Variants in ZNF608 observed in about 807,000 individuals in gnomAD.
ZNF608 encodes zinc finger protein 608.
Under a neutral mutation model 109.0 loss-of-function variants are expected in ZNF608, and 12 were observed. The ratio of observed to expected loss-of-function variants is 0.11; its 90% CI spans 0.07 to 0.18. The LOEUF is 0.18. Among genes scored for constraint, ZNF608 ranks in the 10% least tolerant of loss-of-function variants. The probability of loss-of-function intolerance (pLI) is 1.00; values close to 1 mark genes in which losing one functional copy is unlikely to be tolerated. For missense variants in ZNF608, 1,707 were observed against 1,879.3 expected (o/e 0.91, Z 1.70); for synonymous variants, 732 against 717.4 (o/e 1.02, Z -0.33).
At chr5:124,688,847 T>G (rs1312497771) in intron 3 of ZNF608, among the ~76,000 whole-genome samples, 1 of 152,222 alleles carries the variant, frequency 6.6e-6, no homozygotes, top group Non-Finnish European at 1.5e-5. Context: ...AGTGTTTTCA[T>G]AACATCAGAA....
chr5:124,679,583 T>C (rs1434468824), intron 3 of ZNF608, among the ~76,000 whole-genome samples: 1 of 152,184 alleles, frequency 6.6e-6, no homozygotes. Flanking sequence ...CAATGTGATA[T>C]TTAAAATCAC....
chr5:124,746,885 G>A, upstream of ZNF608: 17 of 564,026 alleles, frequency 3.0e-5, no homozygotes, highest in Non-Finnish European at 3.8e-5. Flanking sequence ...TGTGGAGGAG[G>A]AGACAGCAGA....
chr5:124,741,762 G>T (rs1051791679), intron 2 of ZNF608, among the ~76,000 whole-genome samples: 16 of 152,210 alleles, frequency 1.1e-4, no homozygotes, highest in South Asian at 4.1e-4. Context: ...ATGCAAGGGA[G>T]TGCCATTTCT....
At chr5:124,737,842 C>T (rs1201663175) in intron 2 of ZNF608, among the ~76,000 whole-genome samples, 1 of 152,190 alleles carries the variant, frequency 6.6e-6, no homozygotes, top group East Asian at 1.9e-4. Context: ...AGTTTAACAA[C>T]CTTTCATTCA....
intron 3 of ZNF608, among the ~76,000 whole-genome samples, chr5:124,697,327 A>T (rs960807577): frequency 1.3e-5 from 2 of 151,616 alleles, no homozygotes; most frequent in Admixed American, 1.3e-4. Context: ...ATGTATTTAC[A>T]CATATTGCTA....
intron 3 of ZNF608, among the ~76,000 whole-genome samples, chr5:124,653,005 A>G (rs927233575): frequency 2.6e-5 from 4 of 152,152 alleles, no homozygotes; most frequent in African/African-American, 9.7e-5. Context: ...GGTACTTTTC[A>G]TCTTTATATT....
intron 2 of ZNF608, among the ~76,000 whole-genome samples, chr5:124,722,277 T>A (rs1035837660): frequency 6.6e-6 from 1 of 152,164 alleles, no homozygotes; most frequent in Non-Finnish European, 1.5e-5. Context: ...CGTTTCCCCC[T>A]GCCTCCATGG....
At chr5:124,668,195 AATATATAT>A (rs34612595) in intron 3 of ZNF608, among the ~76,000 whole-genome samples, 8 of 135,680 alleles carry the variant, frequency 5.9e-5, no homozygotes, top group Non-Finnish European at 1.1e-4. Context: ...TATGCTTAAA[AATATATAT>A]ATATATATAT....
At chr5:124,723,618 G>T (rs891581353) in intron 2 of ZNF608, among the ~76,000 whole-genome samples, 2 of 152,126 alleles carry the variant, frequency 1.3e-5, no homozygotes, top group Non-Finnish European at 2.9e-5. Flanking sequence ...AACCCAGGAG[G>T]CAGAGGTTGC....
chr5:124,720,807 T>C (rs1753872043), intron 2 of ZNF608, among the ~76,000 whole-genome samples: 1 of 151,790 alleles, frequency 6.6e-6, no homozygotes, highest in Non-Finnish European at 1.5e-5. Flanking sequence ...CTGGGCTGGC[T>C]TTTTTTTCCT....
At chr5:124,673,436 C>T (rs73296658) in intron 3 of ZNF608, among the ~76,000 whole-genome samples, 42,607 of 152,008 alleles carry the variant, frequency 0.28, 7,258 homozygotes, top group African/African-American at 0.47. Flanking sequence ...TATATTTATC[C>T]TCCAACCACA....
At position 124,744,042 on chromosome 5, in the gene ZNF608, A is replaced by C. The variant is rs1447739818; in HGVS notation, c.906+42T>G. On this transcript the variant is annotated intron_variant, in intron 2 of 9. Transcript: ENST00000513986. The surrounding 1 kb of genome is among the most constrained non-coding windows in gnomAD (Gnocchi z 4.5). ...CCCCCACACACCCACACAAATGCAC[A>C]CAGAGGAGAGTAGGACATCTAGGAA... 1 of 1,542,298 alleles carries C rather than the reference A, an allele frequency of 6.5e-7. No homozygotes were observed. The highest frequency in any genetic ancestry group is 2.0e-5 in the Admixed American group (1 of 50,958).
intron 3 of ZNF608, among the ~76,000 whole-genome samples, chr5:124,669,431 G>A (rs186445185): frequency 6.6e-6 from 1 of 152,272 alleles, no homozygotes; most frequent in African/African-American, 2.4e-5. Flanking sequence ...TGCTCTCATG[G>A]AGATGGTTCA....
At chr5:124,676,009 C>A (rs1274472108) in intron 3 of ZNF608, among the ~76,000 whole-genome samples, 3 of 152,132 alleles carry the variant, frequency 2.0e-5, no homozygotes, top group Non-Finnish European at 4.4e-5. Context: ...GCTGGCCACA[C>A]AAAGGCCTGC....
At chr5:124,731,298 C>T (rs910869735) in intron 2 of ZNF608, among the ~76,000 whole-genome samples, 4 of 152,290 alleles carry the variant, frequency 2.6e-5, no homozygotes, top group African/African-American at 9.6e-5. Context: ...GCAACCTCTG[C>T]CTCCCGGGTT....
At chr5:124,658,579 A>G (rs1028547659) in intron 3 of ZNF608, among the ~76,000 whole-genome samples, 4 of 152,214 alleles carry the variant, frequency 2.6e-5, no homozygotes, top group African/African-American at 9.7e-5. Context: ...CTTGTCAGGC[A>G]CCACTGGTTG....
chr5:124,681,260 C>G (rs1008214606), intron 3 of ZNF608, among the ~76,000 whole-genome samples: 10 of 152,120 alleles, frequency 6.6e-5, no homozygotes, highest in Non-Finnish European at 1.2e-4. Context: ...TGAGACCAGC[C>G]TGGTCAACAT....
intron 2 of ZNF608, chr5:124,708,885 T>C (rs1469976307): frequency 4.7e-6 from 2 of 428,192 alleles, no homozygotes; most frequent in East Asian, 1.4e-4. Flanking sequence ...ATGCCAAAAA[T>C]CCAAGGCCCG....
chr5:124,735,630 T>C (rs2149897538), intron 2 of ZNF608, among the ~76,000 whole-genome samples: 1 of 152,348 alleles, frequency 6.6e-6, no homozygotes, highest in South Asian at 2.1e-4. Flanking sequence ...TTGTGGAGGA[T>C]AATACAGCAA....
Sources: allele counts gnomAD v4.1 joint callset (sites outside exome capture counted in the v4.1 genomes callset), GRCh38; gene constraint gnomAD v4.1.1; non-coding constraint Gnocchi (gnomAD v3.1); transcripts MANE v1.5; gene names NCBI Gene and HGNC (gene_info 2026-07-23, HGNC 2026-07-21).